Variants in OR4F15 observed in about 807,000 individuals in gnomAD.
OR4F15 encodes olfactory receptor 4F15.
Under a neutral mutation model 11.9 loss-of-function variants are expected in OR4F15, and 7 were observed. The observed-to-expected ratio is 0.59, with a 90% CI of 0.33 to 1.10. The LOEUF (loss-of-function observed/expected upper bound fraction) is 1.10, where lower values mean the gene tolerates loss of function less well. Among genes scored for constraint, OR4F15 ranks in the 50% least tolerant of loss-of-function variants. OR4F15 has a pLI of 0.03. For missense variants in OR4F15, 445 were observed against 377.5 expected, an observed-to-expected ratio of 1.18 and a Z score of -1.48; for synonymous variants, 151 against 134.6, an observed-to-expected ratio of 1.12 and a Z score of -0.84.
At chr15:101,814,841 GTT>G (rs1426853866) in intron 1 of OR4F15, among the ~76,000 whole-genome samples, 1 of 151,920 alleles carries the variant, frequency 6.6e-6, no homozygotes, top group Non-Finnish European at 1.5e-5. Flanking sequence ...CCCTCTTTTA[GTT>G]TTGTCTTTTC....
At position 101,818,881 on chromosome 15, in the gene OR4F15, G is replaced by A. The variant is rs1344945370; in HGVS notation, c.695G>A (p.Gly232Asp). The change falls in exon 2 of 2, where the codon GGT becomes GAT. Residue 232 changes from glycine (G) to aspartate (D), a missense_variant. Physicochemically the swap from Gly to Asp is moderately conservative, Grantham distance 94. Coordinates refer to ENST00000332238, the MANE Select transcript of OR4F15 (RefSeq NM_001001674.2). The part of the protein sequence containing the change: ...LFTVWKHSSG[G>D]LAKALSTLSA... ...ACTGTTTGGAAACATTCTTCTGGTG[G>A]TCTAGCCAAGGCCCTCTCTACCCTG... is the stretch of plus-strand genomic sequence containing the variant. 4 of 1,613,756 alleles carry A rather than the reference G, an allele frequency of 2.5e-6. No homozygotes were observed. Among genetic ancestry groups the A allele is most frequent in the East Asian group, 2.2e-5 (1 of 44,868 alleles).
At chr15:101,818,022 G>A in intron 1 of OR4F15, 128 bp from the exon 2 acceptor site, 2 of 598,652 alleles carry the variant, frequency 3.3e-6, no homozygotes, top group Non-Finnish European at 5.9e-6. Context: ...AGTCCAGGGT[G>A]CATGTGATGA....
At position 101,818,374 on chromosome 15, in the gene OR4F15, T is replaced by TG; in HGVS notation, c.190dup (p.Ala64GlyfsTer2). 1 of 1,614,188 alleles carries TG rather than the reference T, an allele frequency of 6.2e-7. No homozygotes were observed. Among genetic ancestry groups the TG allele is most frequent in the Non-Finnish European group, 8.5e-7 (1 of 1,180,006 alleles). ...CTGCACTCCCCCATGTATTTCCTCC[T>TG]GGCTAACCTCTCAATCATTGATATG... On this transcript the variant is annotated frameshift_variant, in exon 2 of 2. Coordinates refer to ENST00000332238, the MANE Select transcript of OR4F15 (RefSeq NM_001001674.2). LOFTEE classifies it high-confidence loss of function.
intron 1 of OR4F15, among the ~76,000 whole-genome samples, chr15:101,814,017 C>A (rs982506658): frequency 6.6e-6 from 1 of 152,134 alleles, no homozygotes; most frequent in African/African-American, 2.4e-5. Context: ...ACTTATAACC[C>A]AATGTGTCAT....
In OR4F15 at chr15:101,814,069, T is replaced by G. The variant is rs140153293; in HGVS notation, c.-38+1797T>G. On this transcript the variant is annotated intron_variant, in intron 1 of 1. Transcript: ENST00000332238. Reference sequence around the variant, plus strand: ...CGACCCAAAGATGAATACTTAATACTTAAGAAATGTGAAGACAAGAGGACA... The same window carrying G: ...CGACCCAAAGATGAATACTTAATACGTAAGAAATGTGAAGACAAGAGGACA... Among the ~76,000 whole-genome samples, 127 of 152,344 alleles carry G rather than the reference T, an allele frequency of 8.3e-4. 1 individual carries two copies. The highest frequency in any genetic ancestry group is 2.9e-3 in the African/African-American group (119 of 41,574).
chr15:101,819,297 C>A lies in OR4F15; in HGVS notation c.*172C>A. Reference sequence around the variant, plus strand: ...AATTAGAAGTGATGTTATCCTTTGGCACAGTGTGCATCAAAGTGCTAAATA... The same window carrying A: ...AATTAGAAGTGATGTTATCCTTTGGAACAGTGTGCATCAAAGTGCTAAATA... On this transcript the variant is annotated 3_prime_UTR_variant, in exon 2 of 2. Transcript: ENST00000332238. 1 of 580,822 alleles carries A rather than the reference C, an allele frequency of 1.7e-6. No homozygotes were observed. Among genetic ancestry groups the A allele is most frequent in the Non-Finnish European group, 3.0e-6 (1 of 330,204 alleles). 36.0% of individuals were successfully genotyped at this position (580,822 alleles called of 1,614,324 possible).
At chr15:101,815,255 A>G (rs1286332157) in intron 1 of OR4F15, among the ~76,000 whole-genome samples, 1 of 152,118 alleles carries the variant, frequency 6.6e-6, no homozygotes, top group Non-Finnish European at 1.5e-5. Context: ...ATCATCTCTA[A>G]GGTTTAGTGC....
Position 101,818,355 on chromosome 15 carries a change from T to TC in OR4F15, c.174dup (p.Met59HisfsTer7), listed in dbSNP as rs747426666. 2.5e-6 allele frequency: 4 copies of TC among 1,614,120 alleles called. No individual in the cohort carries two copies. In the East Asian group the frequency reaches 8.9e-5, roughly 36 times the overall value. ...TGTAACCATGGATGCTCATCTGCACTCCCCCATGTATTTCCTCCTGGCTAA... is the reference window on the plus strand; with the variant it reads ...TGTAACCATGGATGCTCATCTGCACTCCCCCCATGTATTTCCTCCTGGCTAA... On this transcript the variant is annotated frameshift_variant, in exon 2 of 2. Coordinates refer to ENST00000332238, the MANE Select transcript of OR4F15 (RefSeq NM_001001674.2). LOFTEE classifies it high-confidence loss of function.
intron 1 of OR4F15, among the ~76,000 whole-genome samples, chr15:101,816,475 G>A (rs1157168975): frequency 6.6e-6 from 1 of 151,222 alleles, no homozygotes; most frequent in Non-Finnish European, 1.5e-5. Flanking sequence ...CTTTAGAACA[G>A]TAAGAATATA....
Position 101,819,151 on chromosome 15 carries a change from CTA to C in OR4F15, c.*28_*29del. ...ATGGCTTGGCTGTCAAGATGTGTAA[CTA>C]TGGATTACTCCTCATGCTGATTGCA... On this transcript the variant is annotated 3_prime_UTR_variant, in exon 2 of 2. Transcript: ENST00000332238. The C allele has an allele frequency of 7.0e-7, 1 of 1,435,138 alleles. No individual in the cohort carries two copies. Among genetic ancestry groups the C allele is most frequent in the Non-Finnish European group, 9.6e-7 (1 of 1,044,494 alleles). 88.9% of individuals were successfully genotyped at this position (1,435,138 alleles called of 1,614,324 possible).
At chr15:101,813,508 CA>C (rs11311342) in intron 1 of OR4F15, among the ~76,000 whole-genome samples, 56,377 of 106,552 alleles carry the variant, frequency 0.53, 11,874 homozygotes, top group Non-Finnish European at 0.58. Flanking sequence ...GAATCTGTCT[CA>C]AAAAAAAAAA....
In OR4F15 at chr15:101,812,281, T is replaced by C. The variant is rs1411102527; in HGVS notation, c.-38+9T>C. Reference sequence around the variant, plus strand: ...CTGCAAGAAAGACTCAGGTAACAGTTTGTTAGCCTGGGGCAGAAAGAAACA... The same window carrying C: ...CTGCAAGAAAGACTCAGGTAACAGTCTGTTAGCCTGGGGCAGAAAGAAACA... On this transcript the variant is annotated intron_variant, in intron 1 of 1. Transcript: ENST00000332238. The C allele has an allele frequency of 6.6e-6, 1 of 152,200 alleles. No homozygotes were observed. Among genetic ancestry groups the C allele is most frequent in the Non-Finnish European group, 1.5e-5 (1 of 68,066 alleles). The allele number at this position is 152,200 out of a possible 1,614,324, so 9.4% of individuals were successfully genotyped here.
intron 1 of OR4F15, among the ~76,000 whole-genome samples, chr15:101,814,729 A>C (rs1476219408): frequency 6.6e-6 from 1 of 152,118 alleles, no homozygotes; most frequent in Non-Finnish European, 1.5e-5. Flanking sequence ...TTCTGATTTA[A>C]AAAATGTATT....
At chr15:101,816,098 A>AT (rs1274038943) in intron 1 of OR4F15, among the ~76,000 whole-genome samples, 1 of 152,134 alleles carries the variant, frequency 6.6e-6, no homozygotes, top group Non-Finnish European at 1.5e-5. Context: ...GTATAGAATA[A>AT]TGGCCTTCAA....
In OR4F15 at chr15:101,818,424, A is replaced by G. The variant is rs1903036112; in HGVS notation, c.238A>G (p.Lys80Glu). The G allele has an allele frequency of 6.2e-7, 1 of 1,613,902 alleles. No homozygotes were observed. Among genetic ancestry groups the G allele is most frequent in the Admixed American group, 1.7e-5 (1 of 59,976 alleles). Reference sequence around the variant, plus strand: ...GGCATTTTGCTCAATTACAGCCCCTAAGATGATTTGTGATATTTTCAAGAA... The same window carrying G: ...GGCATTTTGCTCAATTACAGCCCCTGAGATGATTTGTGATATTTTCAAGAA... Reference protein sequence around the residue: ...DMAFCSITAPKMICDIFKKHK... With the variant: ...DMAFCSITAPEMICDIFKKHK... Residue 80 changes from lysine (K) to glutamate (E), a missense_variant, in exon 2 of 2, where the codon AAG becomes GAG. Lys to Glu is a moderately conservative substitution (Grantham distance 56, BLOSUM62 1). Transcript: ENST00000332238.
rs767160674 is a variant in OR4F15, at chr15:101,818,972, TC to T, written c.789del (p.Thr264HisfsTer19). The part of the protein sequence containing the change: ...PLMFFYTWPS[P>X]TSHLDKYLAI... ...TGATGTTTTTCTACACATGGCCTTCTCCCACATCACACCTGGATAAATATCT... is the reference window on the plus strand; with the variant it reads ...TGATGTTTTTCTACACATGGCCTTCTCCACATCACACCTGGATAAATATCT... On this transcript the variant is annotated frameshift_variant, in exon 2 of 2. Transcript: ENST00000332238. LOFTEE classifies it high-confidence loss of function. The T allele has an allele frequency of 5.0e-6, 8 of 1,614,072 alleles. No individual in the cohort carries two copies. In the South Asian group the frequency reaches 5.5e-5, roughly 11 times the overall value.
At chr15:101,815,808 C>T (rs1041205175) in intron 1 of OR4F15, among the ~76,000 whole-genome samples, 9 of 152,168 alleles carry the variant, frequency 5.9e-5, no homozygotes, top group Admixed American at 1.3e-4. Flanking sequence ...TAATTATATA[C>T]CTAGAATAAC....
Position 101,818,591 on chromosome 15 carries a change from C to T in OR4F15, c.405C>T (p.Ile135=). The part of the protein sequence containing the change: ...AICKPLHYLT[I]MSPRMCLYFL... ...GTAAACCTCTCCACTACCTGACCAT[C>T]ATGAGCCCAAGAATGTGTCTATACT... The change falls in exon 2 of 2, where the codon ATC becomes ATT. Residue 135 remains isoleucine (I), a synonymous_variant. Transcript: ENST00000332238. 1.2e-6 allele frequency: 2 copies of T among 1,614,214 alleles called. No homozygotes were observed. Among genetic ancestry groups the T allele is most frequent in the South Asian group, 1.1e-5 (1 of 91,080 alleles).
chr15:101,815,434 T>TA (rs1902972350), intron 1 of OR4F15, among the ~76,000 whole-genome samples: 1 of 151,930 alleles, frequency 6.6e-6, no homozygotes, highest in Non-Finnish European at 1.5e-5. Context: ...TGTGGGGAGA[T>TA]AAAACCAATC....
Sources: allele counts gnomAD v4.1 joint callset (sites outside exome capture counted in the v4.1 genomes callset), GRCh38; gene constraint gnomAD v4.1.1; transcripts MANE v1.5; gene names NCBI Gene and HGNC (gene_info 2026-07-23, HGNC 2026-07-21).